CPED1: variants seen among roughly 807,000 people sequenced by gnomAD.
CPED1 encodes cadherin like and PC-esterase domain containing 1, also known as cadherin-like and PC-esterase domain-containing protein 1.
CPED1 carries 114 observed loss-of-function variants against 128.2 expected under a neutral mutation model. The observed-to-expected ratio is 0.89, with a 90% CI of 0.76 to 1.04. The LOEUF is 1.04. Ranked by LOEUF, CPED1 falls within the 50% of genes least tolerant of loss-of-function variation. The pLI, the probability that CPED1 is intolerant of heterozygous loss-of-function variation, is 0.00. For missense variants in CPED1, 1,211 were observed against 1,207.1 expected (o/e 1.00, Z -0.05); for synonymous variants, 462 against 426.7 (o/e 1.08, Z -1.02).
At chr7:120,997,977 T>TAAAAA (rs1796439093) in intron 2 of CPED1, among the ~76,000 whole-genome samples, 1 of 99,592 alleles carries the variant, frequency 1.0e-5, no homozygotes, top group Non-Finnish European at 2.3e-5. Flanking sequence ...TAAAATAAAA[T>TAAAAA]AAAAAATAAA....
At chr7:121,122,507 G>C (rs1795415483) in intron 7 of CPED1, among the ~76,000 whole-genome samples, 1 of 152,118 alleles carries the variant, frequency 6.6e-6, no homozygotes, top group African/African-American at 2.4e-5. Flanking sequence ...GCTGGGTGGT[G>C]GAATTCCTTA....
chr7:121,150,286 G>A (rs73215383), intron 16 of CPED1, among the ~76,000 whole-genome samples: 5,852 of 151,518 alleles, frequency 0.039, 164 homozygotes, highest in Non-Finnish European at 0.058. Context: ...CTACTTATAA[G>A]TGAGAATATG....
At chr7:121,150,261 C>T (rs1796126860) in intron 16 of CPED1, among the ~76,000 whole-genome samples, 1 of 151,012 alleles carries the variant, frequency 6.6e-6, no homozygotes, top group Non-Finnish European at 1.5e-5. Flanking sequence ...TCCATGTATG[C>T]CCAGTGTTTA....
chr7:121,219,534 T>A (rs894741755), intron 16 of CPED1, among the ~76,000 whole-genome samples: 1 of 152,086 alleles, frequency 6.6e-6, no homozygotes, highest in Non-Finnish European at 1.5e-5. Flanking sequence ...GTAGAACTAA[T>A]TCATTTGCTT....
chr7:121,017,329 C>T (rs1792327982), intron 3 of CPED1, among the ~76,000 whole-genome samples: 1 of 152,122 alleles, frequency 6.6e-6, no homozygotes, highest in South Asian at 2.1e-4. Flanking sequence ...AGAAACTTTG[C>T]AAACCTTATA....
rs906197929 is a variant in CPED1, at chr7:121,270,457, C to A, written c.2722-827C>A. On this transcript the variant is annotated intron_variant, in intron 21 of 22. Transcript: ENST00000310396. The stretch of plus-strand genomic sequence containing the variant: ...TGAGGTCTTGGTCATAAATTCTTTG[C>A]CAAGGCCAGTGTCCAAAATGGTATT... Among the ~76,000 whole-genome samples, 5 of 152,116 alleles carry A rather than the reference C, an allele frequency of 3.3e-5. No individual in the cohort carries two copies. The East Asian group carries it at 9.7e-4, about 29-fold the overall frequency.
intron 9 of CPED1, 90 bp downstream of exon 9, chr7:121,125,982 A>G (rs1025520790): frequency 1.1e-6 from 1 of 934,932 alleles, no homozygotes; most frequent in African/African-American, 1.6e-5. Context: ...ATTCATAGTA[A>G]CCAATCAATA....
chr7:121,201,428 GTCA>G (rs1293687145), intron 16 of CPED1, among the ~76,000 whole-genome samples: 3 of 149,230 alleles, frequency 2.0e-5, no homozygotes, highest in Non-Finnish European at 4.4e-5. Flanking sequence ...TGTGTGAGAT[GTCA>G]TCAAGAAAGA....
At chr7:121,245,887 T>G (rs1798516056) in intron 18 of CPED1, among the ~76,000 whole-genome samples, 1 of 152,190 alleles carries the variant, frequency 6.6e-6, no homozygotes, top group African/African-American at 2.4e-5. Flanking sequence ...AGACGGGGTT[T>G]CACTATGTTG....
At chr7:121,243,143 T>C (rs1448622947) in intron 17 of CPED1, among the ~76,000 whole-genome samples, 1 of 152,148 alleles carries the variant, frequency 6.6e-6, no homozygotes, top group Non-Finnish European at 1.5e-5. Flanking sequence ...ATCTGGGTGA[T>C]ATTTAGCTCC....
intron 7 of CPED1, among the ~76,000 whole-genome samples, chr7:121,112,953 G>A (rs116060868): frequency 0.01 from 1,564 of 152,290 alleles, 31 homozygotes; most frequent in African/African-American, 0.035. Context: ...GAAAACAAGA[G>A]AAGTGGGAAG....
chr7:121,065,543 T>C (rs1217103501), intron 5 of CPED1, among the ~76,000 whole-genome samples: 1 of 152,164 alleles, frequency 6.6e-6, no homozygotes, highest in East Asian at 1.9e-4. Context: ...TTTGTTGCTA[T>C]TTACATTTCA....
At chr7:121,044,652 T>TTTTTTTTTTTTTTTTTTTTTTTTTTC in intron 3 of CPED1, among the ~76,000 whole-genome samples, 1 of 119,824 alleles carries the variant, frequency 8.3e-6, no homozygotes, top group African/African-American at 4.1e-5. Flanking sequence ...TTTCTGCTCT[T>TTTTTTTTTTTTTTTTTTTTTTTTTTC]TTTTTTTTTT....
chr7:121,173,124 T>C (rs1796692678), intron 16 of CPED1, among the ~76,000 whole-genome samples: 1 of 152,192 alleles, frequency 6.6e-6, no homozygotes, highest in Admixed American at 6.5e-5. Flanking sequence ...TCAGTAGTTC[T>C]TGTAACTAAA....
chr7:121,243,582 C>T (rs1798451202), intron 17 of CPED1, among the ~76,000 whole-genome samples: 3 of 152,118 alleles, frequency 2.0e-5, no homozygotes, highest in Admixed American at 6.5e-5. Flanking sequence ...TACATTGTTA[C>T]ACCAATCATG....
At chr7:121,273,993 T>G (rs1417926709) in intron 22 of CPED1, among the ~76,000 whole-genome samples, 1 of 152,148 alleles carries the variant, frequency 6.6e-6, no homozygotes, top group African/African-American at 2.4e-5. Flanking sequence ...ACATAGAGAT[T>G]GGTTTTGTTC....
chr7:121,137,336 C>T (rs1024057174), intron 14 of CPED1, among the ~76,000 whole-genome samples: 5 of 151,870 alleles, frequency 3.3e-5, no homozygotes, highest in Non-Finnish European at 7.4e-5. Context: ...TACATCTGGA[C>T]AATTTATGCA....
intron 3 of CPED1, among the ~76,000 whole-genome samples, chr7:121,032,412 C>T (rs1001046109): frequency 6.6e-6 from 1 of 151,956 alleles, no homozygotes; most frequent in Non-Finnish European, 1.5e-5. Context: ...GTGTGCTTCT[C>T]CATCATTCTC....
intron 16 of CPED1, among the ~76,000 whole-genome samples, chr7:121,164,975 A>G (rs1176806851): frequency 6.6e-5 from 10 of 152,174 alleles, no homozygotes; most frequent in Non-Finnish European, 1.3e-4. Context: ...GACTCTTCCT[A>G]TAAGTGATTC....
Sources: allele counts gnomAD v4.1 joint callset (sites outside exome capture counted in the v4.1 genomes callset), GRCh38; gene constraint gnomAD v4.1.1; transcripts MANE v1.5; gene names NCBI Gene and HGNC (gene_info 2026-07-23, HGNC 2026-07-21).